RIT2: variants seen among roughly 807,000 people sequenced by gnomAD.
RIT2 encodes Ras like without CAAX 2.
In RIT2, 24 loss-of-function variants were observed where a neutral mutation model predicts 23.7. The ratio of observed to expected loss-of-function variants is 1.01; its 90% confidence interval spans 0.73 to 1.43. The LOEUF is 1.43. RIT2 is among the 40% of genes most tolerant of loss of function. The probability of loss-of-function intolerance (pLI) is 0.00; values close to 1 mark genes in which losing one functional copy is unlikely to be tolerated. For missense variants in RIT2, 236 were observed against 266.9 expected, an observed-to-expected ratio of 0.88 and a Z score of 0.81; for synonymous variants, 107 against 91.1, an observed-to-expected ratio of 1.17 and a Z score of -0.99.
chr18:42,825,785 G>A (rs939819744), intron 4 of RIT2, among the ~76,000 whole-genome samples: 2 of 151,854 alleles, frequency 1.3e-5, no homozygotes, highest in Non-Finnish European at 2.9e-5. Context: ...TATTAGGTCT[G>A]TTCAATTGAA....
intron 4 of RIT2, among the ~76,000 whole-genome samples, chr18:42,808,871 G>C (rs1905760903): frequency 6.6e-6 from 1 of 152,052 alleles, no homozygotes; most frequent in Non-Finnish European, 1.5e-5. Flanking sequence ...ACTAGTAACA[G>C]TTACTAAATA....
intron 3 of RIT2, among the ~76,000 whole-genome samples, chr18:42,930,544 G>GAATTAAATTA (rs558810961): frequency 2.0e-5 from 3 of 151,926 alleles, no homozygotes; most frequent in African/African-American, 7.3e-5. Flanking sequence ...AGGAAAGAAA[G>GAATTAAATTA]AATTAAATTA....
chr18:42,745,796 T>C (rs901507627), intron 4 of RIT2, among the ~76,000 whole-genome samples: 1 of 152,152 alleles, frequency 6.6e-6, no homozygotes, highest in Non-Finnish European at 1.5e-5. Flanking sequence ...TGGGTTACCA[T>C]TTATTTTTCA....
At chr18:43,065,486 T>A (rs1912751531) in intron 1 of RIT2, among the ~76,000 whole-genome samples, 1 of 152,166 alleles carries the variant, frequency 6.6e-6, no homozygotes, top group South Asian at 2.1e-4. Context: ...TTTTTATTTT[T>A]ATTTTTCTAT....
intron 4 of RIT2, among the ~76,000 whole-genome samples, chr18:42,813,224 T>C (rs997095793): frequency 6.6e-6 from 1 of 152,230 alleles, no homozygotes. Flanking sequence ...AAGGTGCCTA[T>C]TTAATAGGTT....
intron 4 of RIT2, among the ~76,000 whole-genome samples, chr18:42,784,192 C>T (rs914126880): frequency 9.9e-5 from 15 of 151,214 alleles, no homozygotes; most frequent in African/African-American, 3.4e-4. Context: ...GCATATTTTT[C>T]AAGGCCAAAC....
At chr18:42,946,459 GT>G (rs755943439) in intron 3 of RIT2, among the ~76,000 whole-genome samples, 6 of 151,880 alleles carry the variant, frequency 4.0e-5, no homozygotes, top group Non-Finnish European at 5.9e-5. Flanking sequence ...TGAATCTAAT[GT>G]TTCCTATCAG....
chr18:42,870,046 G>A (rs1026044575), intron 4 of RIT2, among the ~76,000 whole-genome samples: 1 of 152,046 alleles, frequency 6.6e-6, no homozygotes, highest in Non-Finnish European at 1.5e-5. Flanking sequence ...TTCTTATTGT[G>A]CCTCACATGG....
At chr18:42,869,939 C>A (rs1455902739) in intron 4 of RIT2, among the ~76,000 whole-genome samples, 2 of 152,220 alleles carry the variant, frequency 1.3e-5, no homozygotes, top group African/African-American at 4.8e-5. Flanking sequence ...GAGTTCCCTG[C>A]CACCTCCAGA....
Position 43,040,011 on chromosome 18 carries a change from C to T in RIT2, c.104-6144G>A, listed in dbSNP as rs184276796. The stretch of plus-strand genomic sequence containing the variant: ...CTAGAATCTATTTGTCTAAAAAGGC[C>T]GAGAGAAAAGTGTAAGAAAGACTGT... On this transcript the variant is annotated intron_variant, in intron 1 of 4. Coordinates refer to ENST00000326695, the MANE Select transcript of RIT2 (RefSeq NM_002930.4). Among the ~76,000 whole-genome samples the T allele has an allele frequency of 1.2e-3, 183 of 152,054 alleles. 3 individuals are homozygous for T. Among genetic ancestry groups the T allele is most frequent in the South Asian group, 9.6e-3 (46 of 4,808 alleles).
intron 3 of RIT2, among the ~76,000 whole-genome samples, chr18:42,967,422 T>G (rs1910255102): frequency 6.6e-6 from 1 of 151,802 alleles, no homozygotes; most frequent in South Asian, 2.1e-4. Context: ...CAGGCTGGAG[T>G]GCAGTGGCGT....
At chr18:43,110,421 T>C (rs142714968) in intron 1 of RIT2, among the ~76,000 whole-genome samples, 2 of 152,236 alleles carry the variant, frequency 1.3e-5, no homozygotes, top group East Asian at 3.9e-4. Flanking sequence ...GAACCAGATG[T>C]GAAGCCAAGG....
chr18:42,975,718 G>A (rs745338643), intron 2 of RIT2, among the ~76,000 whole-genome samples: 7 of 151,924 alleles, frequency 4.6e-5, no homozygotes, highest in African/African-American at 9.7e-5. Flanking sequence ...TTGGTCTGGG[G>A]CTCCACTACA....
chr18:42,917,051 T>A (rs1447498499), intron 4 of RIT2, among the ~76,000 whole-genome samples: 1 of 152,160 alleles, frequency 6.6e-6, no homozygotes, highest in Non-Finnish European at 1.5e-5. Context: ...AGAAAGGGTG[T>A]GACATCAGGC....
intron 4 of RIT2, among the ~76,000 whole-genome samples, chr18:42,843,641 T>C (rs982843929): frequency 2.6e-5 from 4 of 152,158 alleles, no homozygotes; most frequent in Admixed American, 2.0e-4. Flanking sequence ...CTCAGTGACA[T>C]TGGAATAAAG....
At chr18:43,047,725 G>A (rs1158191533) in intron 1 of RIT2, among the ~76,000 whole-genome samples, 1 of 152,224 alleles carries the variant, frequency 6.6e-6, no homozygotes, top group Non-Finnish European at 1.5e-5. Flanking sequence ...GGGGCTCAGA[G>A]AGATGGAACA....
chr18:42,958,093 C>T (rs928787828), intron 3 of RIT2, among the ~76,000 whole-genome samples: 1 of 152,106 alleles, frequency 6.6e-6, no homozygotes, highest in Non-Finnish European at 1.5e-5. Context: ...AGTGAGGTAT[C>T]ACAGGCTTGG....
chr18:42,751,895 G>T (rs554618181), intron 4 of RIT2, among the ~76,000 whole-genome samples: 6 of 151,986 alleles, frequency 3.9e-5, no homozygotes, highest in Non-Finnish European at 8.8e-5. Flanking sequence ...TACCAAAAGT[G>T]AAAGCATACT....
At chr18:42,772,929 A>G (rs1424109722) in intron 4 of RIT2, among the ~76,000 whole-genome samples, 3 of 152,136 alleles carry the variant, frequency 2.0e-5, no homozygotes, top group Non-Finnish European at 4.4e-5. Flanking sequence ...TGGGAGAACC[A>G]TGGGTCTGGG....
Sources: gnomAD v4.1 joint callset for allele counts (sites outside exome capture counted in the v4.1 genomes callset) on GRCh38, gnomAD v4.1.1 for gene constraint, MANE v1.5 for transcripts, NCBI Gene and HGNC (gene_info 2026-07-23, HGNC 2026-07-21) for gene names.